The following PDZD9 variants were observed in gnomAD, a reference collection of about 807,000 sequenced individuals.
PDZD9 encodes PDZ domain-containing protein 9.
In PDZD9, 13 loss-of-function variants were observed where a neutral mutation model predicts 16.3. The observed-to-expected ratio is 0.80, with a 90% confidence interval of 0.52 to 1.27. PDZD9 has a LOEUF of 1.27. Among genes scored for constraint, PDZD9 ranks in the 50% most tolerant of loss-of-function variants. PDZD9 has a pLI of 0.00. For missense variants in PDZD9, 288 were observed against 310.9 expected (o/e 0.93, Z 0.55); for synonymous variants, 120 against 111.0 (o/e 1.08, Z -0.51).
intron 3 of PDZD9, among the ~76,000 whole-genome samples, chr16:21,987,893 G>T (rs1285361050): frequency 1.3e-5 from 2 of 151,872 alleles, no homozygotes; most frequent in Non-Finnish European, 2.9e-5. Context: ...GTGGACTGAA[G>T]ATAGGATTTG....
chr16:21,982,700 C>T (rs772201305), downstream of PDZD9, among the ~76,000 whole-genome samples: 5 of 152,202 alleles, frequency 3.3e-5, no homozygotes, highest in Non-Finnish European at 5.9e-5. Flanking sequence ...GTTGGTGGCT[C>T]ACGCCTGTAA....
At chr16:21,957,599 A>G in the PDZD9 span, 3 of 1,607,842 alleles carry the variant, frequency 1.9e-6, no homozygotes, top group Non-Finnish European at 2.5e-6. Flanking sequence ...GTGTTTGGAA[A>G]TGCTGTGGTA....
chr16:21,967,149 G>C, the PDZD9 span, among the ~76,000 whole-genome samples: 1 of 152,188 alleles, frequency 6.6e-6, no homozygotes, highest in African/African-American at 2.4e-5. Flanking sequence ...AGAAATTGGC[G>C]CTAGAATACT....
the PDZD9 span, among the ~76,000 whole-genome samples, chr16:21,963,984 A>G: frequency 1.3e-5 from 2 of 152,178 alleles, no homozygotes; most frequent in African/African-American, 4.8e-5. Context: ...CTTGACAAGT[A>G]CAACTGGTAA....
At chr16:21,998,313 G>A (rs952860250) in intron 1 of PDZD9, 4 of 213,546 alleles carry the variant, frequency 1.9e-5, no homozygotes, top group Non-Finnish European at 4.0e-5. Flanking sequence ...ACAGAAGAAG[G>A]ACATGTCTCA....
At chr16:21,958,299 C>T in the PDZD9 span, among the ~76,000 whole-genome samples, 1 of 152,134 alleles carries the variant, frequency 6.6e-6, no homozygotes, top group Non-Finnish European at 1.5e-5. Context: ...TCAGAATAGA[C>T]TAATGAATCC....
chr16:21,961,988 G>A, the PDZD9 span, among the ~76,000 whole-genome samples: 1 of 151,856 alleles, frequency 6.6e-6, no homozygotes, highest in East Asian at 1.9e-4. Context: ...CAGTTAAGTG[G>A]CATTCAGCAA....
chr16:21,980,234 G>A, downstream of PDZD9: 1 of 267,010 alleles, frequency 3.7e-6, no homozygotes, highest in Non-Finnish European at 7.3e-6. Flanking sequence ...AGAGGCCTTG[G>A]GAAGCATTAG....
At chr16:21,974,784 C>T in the PDZD9 span, among the ~76,000 whole-genome samples, 2 of 152,146 alleles carry the variant, frequency 1.3e-5, no homozygotes, top group African/African-American at 4.8e-5. Context: ...TGGCTCAAGT[C>T]TGAGAAAGGA....
At chr16:21,974,793 G>A in the PDZD9 span, among the ~76,000 whole-genome samples, 5 of 152,178 alleles carry the variant, frequency 3.3e-5, no homozygotes, top group African/African-American at 9.7e-5. Flanking sequence ...TCTGAGAAAG[G>A]AATACTTGGG....
intron 2 of PDZD9, among the ~76,000 whole-genome samples, chr16:21,995,964 G>A (rs1899139023): frequency 6.6e-6 from 1 of 152,040 alleles, no homozygotes; most frequent in Admixed American, 6.5e-5. Context: ...GCTAATTTTT[G>A]TATTTTTAAT....
chr16:21,962,848 G>A, the PDZD9 span: 1 of 1,614,152 alleles, frequency 6.2e-7, no homozygotes, highest in Non-Finnish European at 8.5e-7. Context: ...CTCAGCTAAA[G>A]ATTGACAAAG....
At chr16:21,961,637 TATATA>T in the PDZD9 span, among the ~76,000 whole-genome samples, 1 of 49,886 alleles carries the variant, frequency 2.0e-5, no homozygotes, top group African/African-American at 2.2e-4. Context: ...TATATATATA[TATATA>T]TATATATATA....
At chr16:21,989,860 C>T (rs1218293551) in intron 2 of PDZD9, among the ~76,000 whole-genome samples, 1 of 152,094 alleles carries the variant, frequency 6.6e-6, no homozygotes, top group Non-Finnish European at 1.5e-5. Flanking sequence ...CTAAAAAGAC[C>T]AATTTTTCAC....
At chr16:21,992,586 TC>T (rs1249554832) in intron 2 of PDZD9, among the ~76,000 whole-genome samples, 1 of 152,186 alleles carries the variant, frequency 6.6e-6, no homozygotes, top group African/African-American at 2.4e-5. Flanking sequence ...TGCTGAGTCT[TC>T]CAGCCTTCAT....
At chr16:21,990,259 T>G (rs1056519165) in intron 2 of PDZD9, among the ~76,000 whole-genome samples, 1 of 152,226 alleles carries the variant, frequency 6.6e-6, no homozygotes, top group Admixed American at 6.5e-5. Flanking sequence ...CAGATCTTAC[T>G]AGTACTGACC....
intron 3 of PDZD9, among the ~76,000 whole-genome samples, chr16:21,988,043 C>G (rs1355865643): frequency 1.5e-5 from 2 of 131,332 alleles, no homozygotes; most frequent in Non-Finnish European, 3.1e-5. Context: ...AAGTCTCGCT[C>G]TATCTCCAGG....
At chr16:21,994,425 A>G (rs1899096308) in intron 2 of PDZD9, among the ~76,000 whole-genome samples, 1 of 152,240 alleles carries the variant, frequency 6.6e-6, no homozygotes, top group African/African-American at 2.4e-5. Flanking sequence ...TGGGCACAGT[A>G]CTAGGCCCAG....
chr16:21,978,958 C>T (rs929900105), downstream of PDZD9, among the ~76,000 whole-genome samples: 4 of 152,076 alleles, frequency 2.6e-5, no homozygotes, highest in Non-Finnish European at 5.9e-5. Context: ...CAGACACCCC[C>T]GAAACCTGCC....
Sources: gnomAD v4.1 joint callset for allele counts (sites outside exome capture counted in the v4.1 genomes callset) on GRCh38, gnomAD v4.1.1 for gene constraint, MANE v1.5 for transcripts, NCBI Gene and HGNC (gene_info 2026-07-23, HGNC 2026-07-21) for gene names.